ENOX1: variants seen among roughly 807,000 people sequenced by gnomAD.
ENOX1 encodes candidate growth-related and time keeping constitutive hydroquinone (NADH) oxidase.
A neutral mutation model predicts 82.5 loss-of-function variants in ENOX1; 42 were observed. The observed-to-expected ratio is 0.51, with a 90% confidence interval of 0.40 to 0.66. The LOEUF (loss-of-function observed/expected upper bound fraction) is 0.66. Among genes scored for constraint, ENOX1 ranks in the 30% least tolerant of loss-of-function variants. The pLI, the probability that ENOX1 is intolerant of heterozygous loss-of-function variation, is 0.00. For missense variants in ENOX1, 608 were observed against 811.6 expected, an observed-to-expected ratio of 0.75 and a Z score of 3.05; for synonymous variants, 271 against 282.2, an observed-to-expected ratio of 0.96 and a Z score of 0.40.
At chr13:43,515,263 A>G (rs1009905740) in intron 2 of ENOX1, among the ~76,000 whole-genome samples, 7 of 152,158 alleles carry the variant, frequency 4.6e-5, no homozygotes, top group Non-Finnish European at 7.4e-5. Context: ...GATTTTTAAA[A>G]TGCACGTTCC....
At chr13:43,513,414 G>A (rs902056175) in intron 2 of ENOX1, among the ~76,000 whole-genome samples, 1 of 152,140 alleles carries the variant, frequency 6.6e-6, no homozygotes, top group African/African-American at 2.4e-5. Flanking sequence ...AGCACAGGCT[G>A]GGACTATTAC....
At chr13:43,385,888 G>A (rs753226445) in intron 5 of ENOX1, among the ~76,000 whole-genome samples, 11 of 152,020 alleles carry the variant, frequency 7.2e-5, no homozygotes, top group Admixed American at 2.6e-4. Flanking sequence ...CCTTGGGGCC[G>A]GGCACCGTGG....
chr13:43,533,939 A>T (rs958689449), intron 2 of ENOX1, among the ~76,000 whole-genome samples: 1 of 152,172 alleles, frequency 6.6e-6, no homozygotes, highest in African/African-American at 2.4e-5. Flanking sequence ...ACTAAATGAC[A>T]GTACAGCCAT....
intron 2 of ENOX1, among the ~76,000 whole-genome samples, chr13:43,541,550 C>T (rs1429084975): frequency 1.3e-5 from 2 of 152,104 alleles, no homozygotes; most frequent in Admixed American, 6.5e-5. Context: ...CAGTGCACCA[C>T]ATACTATATT....
chr13:43,333,377 C>G (rs1261013807), intron 9 of ENOX1, among the ~76,000 whole-genome samples: 1 of 152,192 alleles, frequency 6.6e-6, no homozygotes, highest in African/African-American at 2.4e-5. Context: ...TACATGGTAA[C>G]CAATTGTCTG....
rs561093011 is a variant in ENOX1 at position 43,615,018 on chromosome 13, G to A, written c.-219+52461C>T. Among the ~76,000 whole-genome samples the A allele has an allele frequency of 6.6e-5, 10 of 152,240 alleles. No homozygotes were observed. The South Asian group carries it at 2.1e-3, about 32-fold the overall frequency. ...AAAATTTGAATATATTTTGAGAGAA[G>A]ACTGTGGAATTTGGTGGGGGATGGG... On this transcript the variant is annotated intron_variant, in intron 2 of 16. Coordinates refer to ENST00000690772, the MANE Select transcript of ENOX1 (RefSeq NM_001347969.2).
chr13:43,260,287 G>GT (rs2153475754), intron 14 of ENOX1, among the ~76,000 whole-genome samples: 1 of 152,268 alleles, frequency 6.6e-6, no homozygotes, highest in African/African-American at 2.4e-5. Context: ...TTTCTTTTGT[G>GT]TTTTTGTTTC....
At chr13:43,290,354 G>A (rs1389004174) in intron 12 of ENOX1, among the ~76,000 whole-genome samples, 1 of 150,542 alleles carries the variant, frequency 6.6e-6, no homozygotes, top group Non-Finnish European at 1.5e-5. Context: ...ATTTGATAAG[G>A]AAGATGGGAT....
chr13:43,674,368 T>C (rs1010003177), intron 1 of ENOX1, among the ~76,000 whole-genome samples: 1 of 151,490 alleles, frequency 6.6e-6, no homozygotes, highest in South Asian at 2.1e-4. Flanking sequence ...GCTAGAAAAA[T>C]AAGGTGAAAA....
intron 5 of ENOX1, among the ~76,000 whole-genome samples, chr13:43,398,686 G>T (rs2053304362): frequency 6.6e-6 from 1 of 151,732 alleles, no homozygotes; most frequent in Non-Finnish European, 1.5e-5. Context: ...GATCAACTTT[G>T]CCTTTTCCTC....
intron 3 of ENOX1, among the ~76,000 whole-genome samples, chr13:43,468,716 T>C (rs1231220045): frequency 2.1e-4 from 32 of 152,094 alleles, no homozygotes; most frequent in Admixed American, 2.1e-3. Context: ...AGTACTGACA[T>C]TTTGCTAACT....
intron 5 of ENOX1, among the ~76,000 whole-genome samples, chr13:43,391,947 C>G (rs2052804078): frequency 1.3e-5 from 2 of 152,056 alleles, no homozygotes; most frequent in Admixed American, 1.3e-4. Flanking sequence ...CTCTAACAAC[C>G]ACTTTGAGCT....
intron 3 of ENOX1, among the ~76,000 whole-genome samples, chr13:43,478,606 C>T (rs1429109413): frequency 6.6e-6 from 1 of 152,014 alleles, no homozygotes; most frequent in African/African-American, 2.4e-5. Context: ...ATAGATGATA[C>T]ATCTTATCAT....
intron 3 of ENOX1, among the ~76,000 whole-genome samples, chr13:43,475,101 A>G (rs564726508): frequency 2.5e-4 from 38 of 152,316 alleles, no homozygotes; most frequent in African/African-American, 8.9e-4. Flanking sequence ...CCACATTTAC[A>G]AATTAATGTG....
intron 1 of ENOX1, among the ~76,000 whole-genome samples, chr13:43,734,333 C>T (rs908441874): frequency 6.6e-6 from 1 of 152,084 alleles, no homozygotes; most frequent in African/African-American, 2.4e-5. Flanking sequence ...AGCAGGGCTG[C>T]AGGTAAAAAT....
At chr13:43,361,682 A>G (rs776002742) in intron 5 of ENOX1, among the ~76,000 whole-genome samples, 3 of 152,238 alleles carry the variant, frequency 2.0e-5, no homozygotes, top group Admixed American at 6.5e-5. Flanking sequence ...AAATATTAAC[A>G]TGGCAGAAAG....
chr13:43,477,164 C>T (rs1270037224), intron 3 of ENOX1, among the ~76,000 whole-genome samples: 2 of 139,462 alleles, frequency 1.4e-5, no homozygotes, highest in East Asian at 2.0e-4. Context: ...TATATATACA[C>T]ATACATATAT....
At chr13:43,442,726 G>A (rs976223449) in intron 3 of ENOX1, among the ~76,000 whole-genome samples, 9 of 152,092 alleles carry the variant, frequency 5.9e-5, no homozygotes, top group African/African-American at 1.4e-4. Flanking sequence ...CTGTGTCAGC[G>A]TTCACATCAG....
At chr13:43,385,796 T>G (rs1200471343) in intron 5 of ENOX1, among the ~76,000 whole-genome samples, 1 of 152,380 alleles carries the variant, frequency 6.6e-6, no homozygotes, top group East Asian at 1.9e-4. Context: ...TGGTTATTTC[T>G]GCATCTTCAA....
Sources: allele counts gnomAD v4.1 joint callset (sites outside exome capture counted in the v4.1 genomes callset), GRCh38; gene constraint gnomAD v4.1.1; transcripts MANE v1.5; gene names NCBI Gene and HGNC (gene_info 2026-07-23, HGNC 2026-07-21).